ZNF385D: variants seen among roughly 807,000 people sequenced by gnomAD.
ZNF385D encodes the protein zinc finger protein 659.
Under a neutral mutation model 35.8 loss-of-function variants are expected in ZNF385D, and 15 were observed. That is an observed-to-expected ratio of 0.42 (90% CI 0.28 to 0.64). ZNF385D has a LOEUF of 0.64. ZNF385D is among the 30% of genes least tolerant of loss of function. The probability of loss-of-function intolerance (pLI) is 0.23; values close to 1 mark genes in which losing one functional copy is unlikely to be tolerated. For synonymous variants in ZNF385D, 212 were observed against 186.8 expected, an observed-to-expected ratio of 1.13 and a Z score of -1.10; for missense variants, 474 against 494.6, an observed-to-expected ratio of 0.96 and a Z score of 0.39.
At position 21,641,489 on chromosome 3, in the gene ZNF385D, G is replaced by T. The variant is rs1028799023; in HGVS notation, c.165+23397C>A. Among the ~76,000 whole-genome samples, 9 of 151,692 alleles carry T rather than the reference G, an allele frequency of 5.9e-5. 1 individual carries two copies. Among genetic ancestry groups the T allele is most frequent in the Admixed American group, 5.3e-4 (8 of 15,206 alleles). ...AAAGGTTATATTCCTCTATTGTCTG[G>T]TCCCCTTGCTGTGTAACTCAGGCTG... On this transcript the variant is annotated intron_variant, in intron 2 of 7. Transcript: ENST00000281523.
intron 3 of ZNF385D, among the ~76,000 whole-genome samples, chr3:21,938,033 C>A (rs1701344847): frequency 6.6e-6 from 1 of 152,288 alleles, no homozygotes; most frequent in South Asian, 2.1e-4. Context: ...CTCTACGTAA[C>A]AAAGGAGGTC....
intron 3 of ZNF385D, among the ~76,000 whole-genome samples, chr3:21,823,200 A>G (rs1234744094): frequency 1.3e-5 from 2 of 152,188 alleles, no homozygotes; most frequent in Non-Finnish European, 2.9e-5. Flanking sequence ...CTGTGTAATT[A>G]GAGAGTAGGT....
intron 3 of ZNF385D, among the ~76,000 whole-genome samples, chr3:22,016,093 T>TA (rs1443381419): frequency 6.6e-6 from 1 of 152,134 alleles, no homozygotes; most frequent in Non-Finnish European, 1.5e-5. Context: ...TGCTACTTGT[T>TA]AGAGTGCTCA....
intron 2 of ZNF385D, among the ~76,000 whole-genome samples, chr3:21,587,554 T>C (rs2063847373): frequency 6.6e-6 from 1 of 152,188 alleles, no homozygotes; most frequent in Non-Finnish European, 1.5e-5. Flanking sequence ...AGGGAATTAG[T>C]TCATATTAGG....
At chr3:21,980,933 T>A (rs956857935) in intron 3 of ZNF385D, among the ~76,000 whole-genome samples, 3 of 152,206 alleles carry the variant, frequency 2.0e-5, no homozygotes, top group African/African-American at 7.2e-5. Flanking sequence ...TTCCATGGTA[T>A]ATATGTACCA....
At chr3:21,692,700 A>G (rs960223541) in intron 1 of ZNF385D, among the ~76,000 whole-genome samples, 4 of 152,208 alleles carry the variant, frequency 2.6e-5, no homozygotes, top group African/African-American at 4.8e-5. Context: ...GCATGTCTTC[A>G]TTCGTCTTCC....
At chr3:22,162,579 C>A (rs1015996813) in intron 3 of ZNF385D, among the ~76,000 whole-genome samples, 1 of 152,138 alleles carries the variant, frequency 6.6e-6, no homozygotes. Context: ...ACAGCCCTAC[C>A]TGCCATGCTT....
chr3:21,707,356 G>A (rs577959265), intron 1 of ZNF385D, among the ~76,000 whole-genome samples: 3 of 152,168 alleles, frequency 2.0e-5, no homozygotes, highest in Non-Finnish European at 4.4e-5. Context: ...AGGAAGTCAA[G>A]CTTTCATTTA....
rs558921118 is a variant in ZNF385D at position 21,423,908 on chromosome 3, A to C, written c.954+55T>G. The C allele has an allele frequency of 1.0e-3, 1,618 of 1,546,534 alleles. 3 individuals are homozygous for C. The highest frequency in any genetic ancestry group is 1.3e-3 in the Non-Finnish European group (1,451 of 1,134,896). The stretch of plus-strand genomic sequence containing the variant: ...TGGCAAAATGCCAGAACAAATCAAG[A>C]AACCAATAATTCCATTTGGGAATAG... On this transcript the variant is annotated intron_variant, in intron 7 of 7. Transcript: ENST00000281523.
intron 3 of ZNF385D, among the ~76,000 whole-genome samples, chr3:21,757,710 A>G (rs369842897): frequency 6.6e-6 from 1 of 152,216 alleles, no homozygotes; most frequent in African/African-American, 2.4e-5. Flanking sequence ...CAACATATAC[A>G]TTAGGATTTG....
intron 3 of ZNF385D, among the ~76,000 whole-genome samples, chr3:21,793,645 T>G (rs368720661): frequency 1.4e-4 from 22 of 152,222 alleles, no homozygotes; most frequent in Admixed American, 4.6e-4. Context: ...TGCTGAGATT[T>G]TGTACAAGTC....
At chr3:21,656,131 C>T (rs2066065113) in intron 2 of ZNF385D, among the ~76,000 whole-genome samples, 1 of 151,988 alleles carries the variant, frequency 6.6e-6, no homozygotes, top group South Asian at 2.1e-4. Flanking sequence ...TCTCACCCCA[C>T]ATGTAGGCCT....
In ZNF385D at chr3:22,336,909, C is replaced by A. The variant is rs1401406232; in HGVS notation, c.106+35541G>T. Among the ~76,000 whole-genome samples the A allele has an allele frequency of 2.4e-3, 113 of 47,942 alleles. 3 individuals are homozygous for A. The highest frequency in any genetic ancestry group is 0.012 in the South Asian group (9 of 770). The allele number at this position is 47,942 out of a possible 152,430, so 31.5% of individuals were successfully genotyped here. On this transcript the variant is annotated intron_variant, in intron 2 of 5. Coordinates refer to the ZNF385D transcript ENST00000494108. ...AACCACTATGCAAACAGTGATTTTT[C>A]AAAAAAAAAAAAAAAAAAAAAAAAA...
chr3:21,727,973 C>T (rs150634423), intron 1 of ZNF385D, among the ~76,000 whole-genome samples: 60 of 152,002 alleles, frequency 3.9e-4, no homozygotes, highest in African/African-American at 1.4e-3. Flanking sequence ...AGGATGAGTT[C>T]ATGTCCTTTG....
At chr3:22,214,228 A>C (rs975471698) in intron 2 of ZNF385D, among the ~76,000 whole-genome samples, 2 of 152,112 alleles carry the variant, frequency 1.3e-5, no homozygotes, top group Non-Finnish European at 2.9e-5. Context: ...ATGGACACTT[A>C]TCACTTCCTT....
Position 21,526,901 on chromosome 3 carries a change from T to C in ZNF385D, c.277-15878A>G, listed in dbSNP as rs1349638378. Among the ~76,000 whole-genome samples the C allele has an allele frequency of 1.4e-4, 21 of 152,222 alleles. 1 individual carries two copies. The highest frequency in any genetic ancestry group is 1.4e-3 in the Admixed American group (21 of 15,272). On this transcript the variant is annotated intron_variant, in intron 3 of 7. Coordinates refer to ENST00000281523, the MANE Select transcript of ZNF385D (RefSeq NM_024697.3). ...CTATTATCTTATTTAGTACTACTAA[T>C]AGGTATTTCCATATTATAAGTGAGT...
chr3:22,214,538 A>G (rs1167589508), intron 2 of ZNF385D, among the ~76,000 whole-genome samples: 3 of 152,018 alleles, frequency 2.0e-5, no homozygotes, highest in Non-Finnish European at 2.9e-5. Context: ...AAATACTGCT[A>G]AATTCTTTTT....
intron 3 of ZNF385D, among the ~76,000 whole-genome samples, chr3:21,936,683 C>T (rs1701276369): frequency 1.3e-5 from 2 of 152,016 alleles, no homozygotes. Flanking sequence ...CAGTTATTAG[C>T]ATAGTTTAGA....
At chr3:22,150,997 T>C (rs1205641142) in intron 3 of ZNF385D, among the ~76,000 whole-genome samples, 1 of 152,198 alleles carries the variant, frequency 6.6e-6, no homozygotes, top group African/African-American at 2.4e-5. Flanking sequence ...CATGGACTTC[T>C]ATCTAGAGAG....
Sources: gnomAD v4.1 joint callset for allele counts (sites outside exome capture counted in the v4.1 genomes callset) on GRCh38, gnomAD v4.1.1 for gene constraint, MANE v1.5 for transcripts, NCBI Gene and HGNC (gene_info 2026-07-23, HGNC 2026-07-21) for gene names.